The following SPG7 variants were observed in gnomAD, a reference collection of about 807,000 sequenced individuals.
SPG7 encodes mitochondrial inner membrane m-AAA protease component paraplegin.
SPG7 carries 103 observed loss-of-function variants against 81.9 expected under a neutral mutation model. The observed-to-expected ratio is 1.26, with a 90% CI of 1.07 to 1.48. The LOEUF (loss-of-function observed/expected upper bound fraction) is 1.48. Ranked by LOEUF, SPG7 falls within the 40% of genes most tolerant of loss-of-function variation. The probability of loss-of-function intolerance (pLI) is 0.00; values close to 1 mark genes in which losing one functional copy is unlikely to be tolerated. For missense variants in SPG7, 1,241 were observed against 1,087.3 expected, an observed-to-expected ratio of 1.14 and a Z score of -1.99; for synonymous variants, 534 against 444.2, an observed-to-expected ratio of 1.20 and a Z score of -2.54.
intron 13 of SPG7, 58 bp downstream of exon 13, chr16:89,550,667 C>G: frequency 1.7e-6 from 2 of 1,185,892 alleles, no homozygotes; most frequent in Non-Finnish European, 1.3e-6. Flanking sequence ...TGGGGAGTCC[C>G]GCCTGTGTCT....
chr16:89,524,155 G>A lies in SPG7; in HGVS notation c.526G>A (p.Ala176Thr). 3 of 1,614,112 alleles carry A rather than the reference G, an allele frequency of 1.9e-6. No homozygotes were observed. Among genetic ancestry groups the A allele is most frequent in the Middle Eastern group, 3.3e-4 (2 of 6,056 alleles). Residue 176 changes from alanine to threonine, a missense_variant, in exon 4 of 17, where the codon GCC becomes ACC. Coordinates refer to ENST00000645818, the MANE Select transcript of SPG7 (RefSeq NM_003119.4). ...GAACGACTTTGTCCACGAGATGCTG[G>A]CCAAGGGCGAGGTGCAGCGCGTCCA... ...SWNDFVHEML[A>T]KGEVQRVQVV...
intron 12 of SPG7, chr16:89,548,733 CTG>C: frequency 5.6e-6 from 2 of 354,242 alleles, no homozygotes; most frequent in South Asian, 4.2e-5. Context: ...GAGGACCAAA[CTG>C]GGAATCGGAG....
At chr16:89,515,136 C>T (rs1480617456) in intron 3 of SPG7, among the ~76,000 whole-genome samples, 1 of 151,310 alleles carries the variant, frequency 6.6e-6, no homozygotes, top group Non-Finnish European at 1.5e-5. Flanking sequence ...CTCGGTTTCA[C>T]CGTGTTAGCC....
At position 89,553,122 on chromosome 16, in the gene SPG7, C is replaced by T. The variant is rs1482532650; in HGVS notation, c.1923C>T (p.Asn641=). 11 of 1,609,046 alleles carry T rather than the reference C, an allele frequency of 6.8e-6. No homozygotes were observed. Among genetic ancestry groups the T allele is most frequent in the East Asian group, 2.2e-5 (1 of 44,652 alleles). The change falls in exon 14 of 17, where the codon AAC becomes AAT. Residue 641 remains asparagine (N), a synonymous_variant. Transcript: ENST00000645818. ...GGRASEALSF[N]EVTSGAQDDL... ...GGGCCTCGGAAGCACTGTCCTTCAACGAGGTCACTTCTGGTGAGGAGCAGC... is the reference window on the plus strand; with the variant it reads ...GGGCCTCGGAAGCACTGTCCTTCAATGAGGTCACTTCTGGTGAGGAGCAGC...
chr16:89,529,627 T>G, intron 6 of SPG7, 48 bp downstream of exon 6: 1 of 1,361,984 alleles, frequency 7.3e-7, no homozygotes. Flanking sequence ...GGTTTGTGTT[T>G]GCTGAATACT....
intron 3 of SPG7, chr16:89,517,369 A>G (rs534341928): frequency 6.6e-6 from 1 of 152,282 alleles, no homozygotes; most frequent in South Asian, 2.1e-4. Flanking sequence ...CCTGGAAGGA[A>G]TGGCATGGCA....
At chr16:89,546,596 G>T in intron 10 of SPG7, 62 bp from the exon 11 acceptor site, 1 of 1,071,824 alleles carries the variant, frequency 9.3e-7, no homozygotes, top group Non-Finnish European at 1.4e-6. Flanking sequence ...AGACAAACAT[G>T]CCGCACCTGT....
chr16:89,553,314 A>G, intron 14 of SPG7, 179 bp downstream of exon 14: 1 of 709,296 alleles, frequency 1.4e-6, no homozygotes, highest in Admixed American at 2.3e-5. Context: ...GACTTCTTAG[A>G]TAATTTAATT....
intron 8 of SPG7, 123 bp downstream of exon 8, chr16:89,532,189 C>A (rs1041145036): frequency 1.7e-6 from 2 of 1,143,906 alleles, no homozygotes; most frequent in Non-Finnish European, 1.3e-6. Context: ...AGAAGGAAAG[C>A]GAGGTCTGGG....
At chr16:89,553,497 C>A (rs1227082144) in intron 14 of SPG7, 8 of 535,220 alleles carry the variant, frequency 1.5e-5, no homozygotes, top group Non-Finnish European at 2.7e-5. Flanking sequence ...GGCTCCAGGT[C>A]CATGGGTTTG....
chr16:89,528,395 C>CAAAA lies in SPG7; in HGVS notation c.759-1069_759-1066dup, dbSNP rs1184740621. On this transcript the variant is annotated intron_variant, in intron 5 of 16. Transcript: ENST00000645818. ...TGACAGAGCCAGACTCCATCTCAAACAAAAAAAAAAAAAAAAGAAGAAGAT... is the reference window on the plus strand; with the variant it reads ...TGACAGAGCCAGACTCCATCTCAAACAAAAAAAAAAAAAAAAAAAAGAAGAAGAT... Among the ~76,000 whole-genome samples the CAAAA allele has an allele frequency of 4.3e-5, 4 of 93,506 alleles. No homozygotes were observed. In the East Asian group the frequency reaches 1.3e-3, roughly 31 times the overall value. 61.3% of individuals were successfully genotyped at this position (93,506 alleles called of 152,430 possible).
intron 16 of SPG7, chr16:89,556,342 C>T (rs543889104): frequency 1.4e-4 from 50 of 350,828 alleles, no homozygotes; most frequent in African/African-American, 1.0e-3. Context: ...AAGAGTTCTG[C>T]CTTCACAGAA....
intron 9 of SPG7, among the ~76,000 whole-genome samples, chr16:89,536,357 G>A (rs2058416830): frequency 6.6e-6 from 1 of 151,920 alleles, no homozygotes; most frequent in African/African-American, 2.4e-5. Flanking sequence ...TCTGACCATT[G>A]CTTCTGGAGG....
At chr16:89,523,212 C>T (rs2058213831) in intron 3 of SPG7, 1 of 163,014 alleles carries the variant, frequency 6.1e-6, no homozygotes, top group South Asian at 1.6e-4. Flanking sequence ...ATTCTAGAGT[C>T]AAGTGGTCTG....
intron 3 of SPG7, among the ~76,000 whole-genome samples, chr16:89,516,631 C>A (rs188367294): frequency 1.5e-4 from 22 of 151,014 alleles, no homozygotes; most frequent in African/African-American, 4.6e-4. Flanking sequence ...GAGGCCAAGG[C>A]GAGCAGATCA....
intron 13 of SPG7, among the ~76,000 whole-genome samples, chr16:89,550,909 G>A (rs751394973): frequency 1.3e-5 from 2 of 152,218 alleles, no homozygotes; most frequent in Non-Finnish European, 2.9e-5. Context: ...ATGGGGTTTC[G>A]CTGCCTTTGC....
At chr16:89,524,561 A>T (rs890341959) in intron 4 of SPG7, among the ~76,000 whole-genome samples, 2 of 152,230 alleles carry the variant, frequency 1.3e-5, no homozygotes, top group African/African-American at 4.8e-5. Flanking sequence ...CTCCTGGCTC[A>T]GCCTCCCGGG....
intron 3 of SPG7, among the ~76,000 whole-genome samples, chr16:89,515,624 G>C (rs55764343): frequency 6.7e-6 from 1 of 148,970 alleles, no homozygotes; most frequent in Non-Finnish European, 1.5e-5. Context: ...CCTGTAATCT[G>C]AGCACTTTGG....
chr16:89,546,726 C>A lies in SPG7; in HGVS notation c.1518C>A (p.Ser506=). 1 of 1,613,604 alleles carries A rather than the reference C, an allele frequency of 6.2e-7. No individual in the cohort carries two copies. Among genetic ancestry groups the A allele is most frequent in the Non-Finnish European group, 8.5e-7 (1 of 1,179,528 alleles). Residue 506 remains serine (S), a synonymous_variant, in exon 11 of 17, where the codon TCC becomes TCA. Transcript: ENST00000645818. The part of the protein sequence containing the change: ...LKLTQSSTFY[S]QRLAELTPGF... The stretch of plus-strand genomic sequence containing the variant: ...TGACCCAGTCCAGCACCTTTTACTC[C>A]CAGCGTCTGGCAGAGCTGACACCAG...
Sources: gnomAD v4.1 joint callset for allele counts (sites outside exome capture counted in the v4.1 genomes callset) on GRCh38, gnomAD v4.1.1 for gene constraint, MANE v1.5 for transcripts, NCBI Gene and HGNC (gene_info 2026-07-23, HGNC 2026-07-21) for gene names.